MED24: variants seen among roughly 807,000 people sequenced by gnomAD.
The protein encoded by MED24 is mediator complex subunit 24.
Under a neutral mutation model 118.8 loss-of-function variants are expected in MED24, and 74 were observed. That is an observed-to-expected ratio of 0.62 (90% CI 0.52 to 0.76). The LOEUF is 0.76. Among genes scored for constraint, MED24 ranks in the 30% least tolerant of loss-of-function variants. The pLI, the probability that MED24 is intolerant of heterozygous loss-of-function variation, is 0.00. For synonymous variants in MED24, 521 were observed against 523.9 expected (o/e 0.99, Z 0.08); for missense variants, 1,041 against 1,278.9 (o/e 0.81, Z 2.84).
Position 40,020,299 on chromosome 17 carries a change from A to G in MED24, c.2678T>C (p.Met893Thr). Residue 893 changes from methionine (M) to threonine (T), a missense_variant, in exon 24 of 26, where the codon ATG becomes ACG. Met to Thr is a moderately conservative substitution (Grantham distance 81, BLOSUM62 -1). Around this residue, in one of 3 missense-constraint regions of MED24, gnomAD observed 587 missense variants for 694.4 expected, o/e 0.85. Transcript: ENST00000394128. ...CAGGACTCGGTTCAGAGGGTCCCGC[A>G]TGTTGACCGTGTGGAGCTGAGAGGC... is the stretch of plus-strand genomic sequence containing the variant. ...LSASQLHTVNMRDPLNRVLAN... is the reference protein window; with the variant it reads ...LSASQLHTVNTRDPLNRVLAN... 6.3e-7 allele frequency: 1 copy of G among 1,579,996 alleles called. No individual in the cohort carries two copies. The highest frequency in any genetic ancestry group is 1.3e-5 in the African/African-American group (1 of 74,600).
In MED24 at chr17:40,026,723, C is replaced by A; in HGVS notation, c.1733G>T (p.Cys578Phe). The A allele has an allele frequency of 6.2e-7, 1 of 1,612,418 alleles. No individual in the cohort carries two copies. Among genetic ancestry groups the A allele is most frequent in the South Asian group, 1.1e-5 (1 of 90,604 alleles). Reference sequence around the variant, plus strand: ...CAAGATGGCGGCTGAGATGCTGAGACAGGCCTCATGCCACTTCATCTGCCT... The same window carrying A: ...CAAGATGGCGGCTGAGATGCTGAGAAAGGCCTCATGCCACTTCATCTGCCT... ...KLVQMKWHEA[C>F]LSISAAILEI... Residue 578 changes from cysteine (C) to phenylalanine (F), a missense_variant, in exon 18 of 26, where the codon TGT (cysteine) becomes TTT (phenylalanine). By Grantham distance (205) the Cys-to-Phe change is radical (BLOSUM62 -2). This residue lies in a region of MED24 where 587 missense variants were observed against 694.4 expected (regional missense o/e 0.85). Transcript: ENST00000394128.
intron 3 of MED24, among the ~76,000 whole-genome samples, chr17:40,041,700 G>T (rs1197321352): frequency 2.0e-5 from 3 of 152,082 alleles, no homozygotes; most frequent in Non-Finnish European, 4.4e-5. Context: ...AGAAACCTAA[G>T]CGTTATCCTT....
intron 17 of MED24, 33 bp from the exon 18 acceptor site, chr17:40,026,779 G>GCAAGGAACGGGCT (rs1568159116): frequency 6.2e-7 from 1 of 1,610,798 alleles, no homozygotes; most frequent in Non-Finnish European, 8.5e-7. Context: ...GCACAGGGGA[G>GCAAGGAACGGGCT]CAAGGAACGG....
intron 22 of MED24, among the ~76,000 whole-genome samples, 153 bp from the exon 23 acceptor site, chr17:40,022,207 C>T (rs1361303899): frequency 6.6e-6 from 1 of 152,220 alleles, no homozygotes. Flanking sequence ...TCTGACAGGC[C>T]CCTTGTGCCC....
At chr17:40,023,685 A>C (rs1982312546) in intron 19 of MED24, 2 of 347,220 alleles carry the variant, frequency 5.8e-6, no homozygotes, top group East Asian at 5.6e-5. Flanking sequence ...TTTATTCTCC[A>C]ACTTCCCCCA....
At position 40,020,600 on chromosome 17, in the gene MED24, C is replaced by T; in HGVS notation, c.2624-247G>A. On this transcript the variant is annotated intron_variant, in intron 23 of 25. Transcript: ENST00000394128. ...TCCAGGAGTTTGAGACCAGCCTTGG[C>T]AACTAGCGAGACCTCATCTCTACAA... is the stretch of plus-strand genomic sequence containing the variant. 1.7e-5 allele frequency: 12 copies of T among 694,566 alleles called. No individual in the cohort carries two copies. In the South Asian group the frequency reaches 1.9e-4, roughly 11 times the overall value. 43.0% of individuals were successfully genotyped at this position (694,566 alleles called of 1,614,324 possible). A position where few individuals can be genotyped will look rare whatever the true frequency, so the allele number is the denominator to read the frequency against.
At chr17:40,051,498 C>T (rs1985839817) in intron 3 of MED24, among the ~76,000 whole-genome samples, 1 of 151,958 alleles carries the variant, frequency 6.6e-6, no homozygotes, top group Non-Finnish European at 1.5e-5. Flanking sequence ...CCTGTAGTCC[C>T]AGCTACTCAG....
chr17:40,043,989 C>T lies in MED24; in HGVS notation c.214-7835G>A, dbSNP rs138542194. Among the ~76,000 whole-genome samples the T allele has an allele frequency of 9.9e-3, 1,491 of 150,348 alleles. 31 individuals are homozygous for T. Among genetic ancestry groups the T allele is most frequent in the African/African-American group, 0.035 (1,435 of 40,960 alleles). ...ACTAAAAATACAAAGATTAGCCGGG[C>T]GTGGTGGCACCCGCCCATAGTCCCA... On this transcript the variant is annotated intron_variant, in intron 3 of 25. Transcript: ENST00000394128.
At chr17:40,027,247 C>T (rs991964388) in intron 16 of MED24, 136 bp downstream of exon 16, 54 of 1,163,218 alleles carry the variant, frequency 4.6e-5, no homozygotes, top group Non-Finnish European at 5.6e-5. Context: ...GGACTCCAGC[C>T]CGGGTGGGCA....
rs569260194 is a variant in MED24 at position 40,028,023 on chromosome 17, C to T, written c.1410-77G>A. ...GCTGGGCGCTGGGGCTACACATGTTCAGAGAGCGATAGCTAGAGTCTGAGT... is the reference window on the plus strand; with the variant it reads ...GCTGGGCGCTGGGGCTACACATGTTTAGAGAGCGATAGCTAGAGTCTGAGT... On this transcript the variant is annotated intron_variant, in intron 14 of 25. Transcript: ENST00000394128. The T allele has an allele frequency of 9.8e-6, 14 of 1,424,336 alleles. 1 individual carries two copies. The South Asian group carries it at 1.3e-4, about 13-fold the overall frequency. The allele number at this position is 1,424,336 out of a possible 1,614,324, so 88.2% of individuals were successfully genotyped here. A position where few individuals can be genotyped will look rare whatever the true frequency, so the allele number is the denominator to read the frequency against.
At position 40,019,704 on chromosome 17, in the gene MED24, G is replaced by T. The variant is rs1841416388; in HGVS notation, c.2854-59C>A. 1.6e-5 allele frequency: 25 copies of T among 1,585,082 alleles called. No individual in the cohort carries two copies. In the South Asian group the frequency reaches 2.9e-4, roughly 18 times the overall value. ...GGCTGGTGGTGGGTGTGCTGTCCCAGGGGGAAGGAGGCCCCTCCCTGCTCT... is the reference window on the plus strand; with the variant it reads ...GGCTGGTGGTGGGTGTGCTGTCCCATGGGGAAGGAGGCCCCTCCCTGCTCT... On this transcript the variant is annotated intron_variant, in intron 25 of 25. Transcript: ENST00000394128.
At chr17:40,031,823 G>GA (rs935338949) in intron 10 of MED24, among the ~76,000 whole-genome samples, 8 of 152,080 alleles carry the variant, frequency 5.3e-5, no homozygotes, top group Non-Finnish European at 1.2e-4. Context: ...CACACACGCT[G>GA]AAACACACAC....
rs770876614 is a variant in MED24 at position 40,022,039 on chromosome 17, A to T, written c.2539T>A (p.Phe847Ile). 1.9e-6 allele frequency: 3 copies of T among 1,609,664 alleles called. No homozygotes were observed. Among genetic ancestry groups the T allele is most frequent in the Middle Eastern group, 3.3e-4 (2 of 6,034 alleles). ...REDIEDYISL[F>I]PLDDVQPSKL... ...GAAGGCTGCACATCGTCCAGGGGGA[A>T]GAGGCTGATATAATCCTAGAGGGAG... Residue 847 changes from phenylalanine to isoleucine, a missense_variant, in exon 23 of 26, where the codon TTC becomes ATC. Phe to Ile is a conservative substitution (Grantham distance 21). This residue lies in a region of MED24 where 587 missense variants were observed against 694.4 expected (regional missense o/e 0.85). Transcript: ENST00000394128.
chr17:40,022,622 G>A, intron 21 of MED24, 23 bp downstream of exon 21: 1 of 1,611,984 alleles, frequency 6.2e-7, no homozygotes, highest in Non-Finnish European at 8.5e-7. Flanking sequence ...CCGGAGCAGG[G>A]CAAGCTCTGA....
At chr17:40,030,796 TTA>T (rs1340361338) in intron 12 of MED24, among the ~76,000 whole-genome samples, 1 of 152,040 alleles carries the variant, frequency 6.6e-6, no homozygotes, top group Non-Finnish European at 1.5e-5. Context: ...GTAGCTGAGA[TTA>T]CAGGCACACA....
At chr17:40,054,186 T>G (rs995831034) in intron 1 of MED24, 175 bp downstream of exon 1, 2 of 164,564 alleles carry the variant, frequency 1.2e-5, no homozygotes, top group African/African-American at 4.8e-5. Flanking sequence ...AAACAGGGCA[T>G]CAAGGAGTTA....
At chr17:40,023,559 T>C in intron 19 of MED24, 164 bp from the exon 20 acceptor site, 1 of 643,532 alleles carries the variant, frequency 1.6e-6, no homozygotes, top group South Asian at 2.0e-5. Context: ...CGGGGTGACC[T>C]GGCCCCTGCT....
chr17:40,033,809 T>G lies in MED24; in HGVS notation c.560-353A>C, dbSNP rs1170452230. 6.3e-6 allele frequency: 3 copies of G among 476,660 alleles called. No homozygotes were observed. Among genetic ancestry groups the G allele is most frequent in the Non-Finnish European group, 1.2e-5 (3 of 240,990 alleles). The allele number at this position is 476,660 out of a possible 1,614,324, so 29.5% of individuals were successfully genotyped here. A position where few individuals can be genotyped will look rare whatever the true frequency, so the allele number is the denominator to read the frequency against. ...GGGCGGCCACAAATCACTCGAGGAG[T>G]GAGCGGATCCCAAAGTCCAGTCTTG... is the stretch of plus-strand genomic sequence containing the variant. On this transcript the variant is annotated intron_variant, in intron 6 of 25. Transcript: ENST00000394128. The surrounding 1 kb of genome is among the most constrained non-coding windows in gnomAD (Gnocchi z 5.2).
At position 40,035,277 on chromosome 17, in the gene MED24, GC is replaced by G; in HGVS notation, c.398del (p.Arg133ProfsTer51). 1.2e-6 allele frequency: 2 copies of G among 1,613,294 alleles called. No individual in the cohort carries two copies. Among genetic ancestry groups the G allele is most frequent in the Non-Finnish European group, 1.7e-6 (2 of 1,179,540 alleles). On this transcript the variant is annotated frameshift_variant, in exon 6 of 26. Transcript: ENST00000394128. LOFTEE classifies it high-confidence loss of function. Reference sequence around the variant, plus strand: ...GCCGCTCTGCAGAGGCTGCCGTGCAGCGCAGCAGCCAGTGGAGGGCGCTAAG... The same window carrying G: ...GCCGCTCTGCAGAGGCTGCCGTGCAGGCAGCAGCCAGTGGAGGGCGCTAAG... ...ALLSALHWLL[R>X]CTAASAERLR...
Sources: gnomAD v4.1 joint callset for allele counts (sites outside exome capture counted in the v4.1 genomes callset) on GRCh38, gnomAD v4.1.1 for gene constraint, gnomAD v4.1.1 regional missense constraint, Gnocchi (gnomAD v3.1) non-coding constraint, MANE v1.5 for transcripts, NCBI Gene and HGNC (gene_info 2026-07-23, HGNC 2026-07-21) for gene names.